TVP23C: variants seen among roughly 807,000 people sequenced by gnomAD.
TVP23C encodes trans-golgi network vesicle protein 23 homolog C, also known as Golgi apparatus membrane protein TVP23 homolog C.
In TVP23C, 19 loss-of-function variants were observed where a neutral mutation model predicts 28.7. That is an observed-to-expected ratio of 0.66 (90% CI 0.46 to 0.97). The LOEUF (loss-of-function observed/expected upper bound fraction) is 0.97, where lower values mean the gene tolerates loss of function less well. Ranked by LOEUF, TVP23C falls within the 50% of genes least tolerant of loss-of-function variation. The pLI, the probability that TVP23C is intolerant of heterozygous loss-of-function variation, is 0.00. For missense variants in TVP23C, 186 were observed against 241.3 expected (o/e 0.77, Z 1.52); for synonymous variants, 68 against 81.7 (o/e 0.83, Z 0.90).
At chr17:15,531,647 A>G (rs1567637068) in intron 5 of TVP23C, among the ~76,000 whole-genome samples, 1 of 152,098 alleles carries the variant, frequency 6.6e-6, no homozygotes, top group Non-Finnish European at 1.5e-5. Context: ...TTGTTTATAC[A>G]TTATTTTCCT....
chr17:15,558,973 C>A (rs1171766723), intron 1 of TVP23C, among the ~76,000 whole-genome samples: 1 of 147,260 alleles, frequency 6.8e-6, no homozygotes, highest in African/African-American at 2.4e-5. Flanking sequence ...CTCCTGAGTA[C>A]TGCAAGCCAC....
chr17:15,546,708 G>A (rs1983662390), intron 4 of TVP23C, among the ~76,000 whole-genome samples: 1 of 147,322 alleles, frequency 6.8e-6, no homozygotes, highest in African/African-American at 2.5e-5. Context: ...AGCAAAGACA[G>A]AACAAGATGT....
chr17:15,503,448 G>A (rs1050729635), intron 5 of TVP23C: 6 of 508,152 alleles, frequency 1.2e-5, no homozygotes, highest in South Asian at 3.1e-5. Flanking sequence ...GCTTTAGAAC[G>A]CCTCAGTGCT....
chr17:15,508,485 C>G (rs1438877279), intron 5 of TVP23C, among the ~76,000 whole-genome samples: 2 of 152,134 alleles, frequency 1.3e-5, no homozygotes, highest in African/African-American at 4.8e-5. Flanking sequence ...GCTCACACAC[C>G]CTGCTCCCAC....
rs575245892 is a variant in TVP23C at position 15,555,307 on chromosome 17, T to C, written c.70A>G (p.Asn24Asp). 261 of 1,614,000 alleles carry C rather than the reference T, an allele frequency of 1.6e-4. 1 individual carries two copies. In the East Asian group the frequency reaches 5.1e-3, roughly 31 times the overall value. ...CTGATTTTGGCTTTTCTTGGTCTAT[T>C]AGTCGTCTCCTCTTCCGCATCAAAC... Reference protein sequence around the residue: ...SLFDAEEETTNRPRKAKIRHP... With the variant: ...SLFDAEEETTDRPRKAKIRHP... The change falls in exon 2 of 6, where the codon AAT becomes GAT. Residue 24 changes from asparagine (N) to aspartate (D), a missense_variant. Physicochemically the swap from Asn to Asp is conservative, Grantham distance 23. This residue lies in a region of TVP23C where 92 missense variants were observed against 94.3 expected (regional missense o/e 0.98). Transcript: ENST00000518321.
At chr17:15,558,251 C>T (rs1984220931) in intron 1 of TVP23C, among the ~76,000 whole-genome samples, 1 of 143,580 alleles carries the variant, frequency 7.0e-6, no homozygotes, top group South Asian at 2.4e-4. Flanking sequence ...ACATCAAATC[C>T]TATCATTCCC....
chr17:15,512,932 A>C (rs1982063688), intron 5 of TVP23C, among the ~76,000 whole-genome samples: 1 of 152,190 alleles, frequency 6.6e-6, no homozygotes, highest in African/African-American at 2.4e-5. Context: ...TGGGCTATGT[A>C]GGACCTTAGG....
chr17:15,503,282 G>A, intron 5 of TVP23C: 2 of 1,444,362 alleles, frequency 1.4e-6, no homozygotes, highest in South Asian at 1.5e-5. Context: ...TGGCGCGCCT[G>A]TGGTTCCAGC....
intron 5 of TVP23C, among the ~76,000 whole-genome samples, chr17:15,520,373 C>CA (rs1982422084): frequency 6.7e-6 from 1 of 148,214 alleles, no homozygotes; most frequent in African/African-American, 2.5e-5. Context: ...CTAACGTCCT[C>CA]TGGGTTCCCT....
At chr17:15,553,916 G>GT (rs1198802873) in intron 2 of TVP23C, 87 bp from the exon 3 acceptor site, 1 of 1,587,672 alleles carries the variant, frequency 6.3e-7, no homozygotes, top group Non-Finnish European at 8.6e-7. Flanking sequence ...TAGCCATCGT[G>GT]TAACTGTGAA....
intron 3 of TVP23C, among the ~76,000 whole-genome samples, chr17:15,549,280 C>A (rs1983783969): frequency 6.6e-6 from 1 of 152,068 alleles, no homozygotes; most frequent in Non-Finnish European, 1.5e-5. Flanking sequence ...GGGACTTGGT[C>A]ATTAATTGGA....
At chr17:15,529,528 AT>A (rs984032831) in intron 5 of TVP23C, among the ~76,000 whole-genome samples, 3 of 151,406 alleles carry the variant, frequency 2.0e-5, no homozygotes, top group African/African-American at 4.8e-5. Context: ...ATGTTGTGGG[AT>A]TTTTTAAGTG....
rs192317717 is a variant in TVP23C at position 15,538,803 on chromosome 17, A to G, written c.*1609T>C. ...TTCAGAAACACTGAAAATTCTAACG[A>G]AAAAAACCTAATAAGCACATACATG... On this transcript the variant is annotated 3_prime_UTR_variant, in exon 6 of 6. Coordinates refer to ENST00000518321, the MANE Select transcript of TVP23C (RefSeq NM_001135036.2). 3.0e-6 allele frequency: 3 copies of G among 984,300 alleles called. No homozygotes were observed. Among genetic ancestry groups the G allele is most frequent in the African/African-American group, 3.5e-5 (2 of 56,342 alleles). The allele number at this position is 984,300 out of a possible 1,614,324, so 61.0% of individuals were successfully genotyped here. A position where few individuals can be genotyped will look rare whatever the true frequency, so the allele number is the denominator to read the frequency against.
chr17:15,550,781 T>C (rs1983850298), intron 3 of TVP23C, among the ~76,000 whole-genome samples: 1 of 152,190 alleles, frequency 6.6e-6, no homozygotes, highest in Admixed American at 6.5e-5. Context: ...TTTGTTTGAG[T>C]TGATCTTTGC....
In TVP23C at chr17:15,539,611, A is replaced by G; in HGVS notation, c.*801T>C. 7.1e-6 allele frequency: 7 copies of G among 983,152 alleles called. No homozygotes were observed. Among genetic ancestry groups the G allele is most frequent in the Non-Finnish European group, 8.5e-6 (7 of 828,096 alleles). 60.9% of individuals were successfully genotyped at this position (983,152 alleles called of 1,614,324 possible). A position where few individuals can be genotyped will look rare whatever the true frequency, so the allele number is the denominator to read the frequency against. On this transcript the variant is annotated 3_prime_UTR_variant, in exon 6 of 6. Coordinates refer to ENST00000518321, the MANE Select transcript of TVP23C (RefSeq NM_001135036.2). Reference sequence around the variant, plus strand: ...GAGCAAGACTCCATCTCAAGAAAAAAAAAAAAAAAGACCTAGTCACTTTTC... The same window carrying G: ...GAGCAAGACTCCATCTCAAGAAAAAGAAAAAAAAAGACCTAGTCACTTTTC...
At chr17:15,563,272 C>G (rs943585950) in intron 1 of TVP23C, 165 bp downstream of exon 1, 1 of 1,347,808 alleles carries the variant, frequency 7.4e-7, no homozygotes, top group African/African-American at 1.5e-5. Context: ...CTCAGAACCC[C>G]CAGCAGCCCT....
intron 5 of TVP23C, among the ~76,000 whole-genome samples, chr17:15,517,849 A>G (rs1982297778): frequency 6.6e-6 from 1 of 152,182 alleles, no homozygotes; most frequent in Non-Finnish European, 1.5e-5. Flanking sequence ...CCACTGCACC[A>G]TAAGAGAATT....
At chr17:15,511,964 G>A (rs1982023770) in intron 5 of TVP23C, among the ~76,000 whole-genome samples, 1 of 152,210 alleles carries the variant, frequency 6.6e-6, no homozygotes, top group African/African-American at 2.4e-5. Context: ...TGGGTATTTA[G>A]AACAGCTCTT....
chr17:15,505,938 G>A (rs1208372115), intron 5 of TVP23C, among the ~76,000 whole-genome samples: 6 of 152,208 alleles, frequency 3.9e-5, no homozygotes, highest in East Asian at 3.9e-4. Context: ...GGCAGGGCTC[G>A]GGACCTGCAG....
Sources: allele counts gnomAD v4.1 joint callset (sites outside exome capture counted in the v4.1 genomes callset), GRCh38; gene constraint gnomAD v4.1.1; regional missense constraint gnomAD v4.1.1; transcripts MANE v1.5; gene names NCBI Gene and HGNC (gene_info 2026-07-23, HGNC 2026-07-21).